Variants in USP24 observed in about 807,000 individuals in gnomAD.
USP24 encodes the protein ubiquitin specific peptidase 24, also known as ubiquitin carboxyl-terminal hydrolase 24.
USP24 carries 97 observed loss-of-function variants against 361.6 expected under a neutral mutation model. The observed-to-expected ratio is 0.27, with a 90% CI of 0.23 to 0.32. The LOEUF (loss-of-function observed/expected upper bound fraction) is 0.32. USP24 is among the 10% of genes least tolerant of loss of function. The pLI is 1.00. For synonymous variants in USP24, 1,098 were observed against 1,124.6 expected (o/e 0.98, Z 0.47); for missense variants, 2,353 against 3,165.6 (o/e 0.74, Z 6.16).
rs137862768 is a variant in USP24, at chr1:55,180,548, T to C, written c.325-2416A>G. Among the ~76,000 whole-genome samples, 93 of 152,300 alleles carry C rather than the reference T, an allele frequency of 6.1e-4. 1 individual carries two copies. The highest frequency in any genetic ancestry group is 2.1e-3 in the African/African-American group (86 of 41,572). On this transcript the variant is annotated intron_variant, in intron 1 of 67. Transcript: ENST00000294383. The stretch of plus-strand genomic sequence containing the variant: ...GGTTCTCAGTATCATGGAGCAGAGA[T>C]AAACTGCTGTCTGAATCCCATCCCC...
chr1:55,073,903 A>C lies in USP24; in HGVS notation c.7451T>G (p.Leu2484Trp). Residue 2484 changes from leucine (L) to tryptophan (W), a missense_variant, in exon 64 of 68, where the codon TTG (leucine) becomes TGG (tryptophan). Transcript: ENST00000294383. ...VFETENGLLALMHHSNHVDSS... is the reference protein window; with the variant it reads ...VFETENGLLAWMHHSNHVDSS... ...GTCCACATGATTACTGTGGTGCATC[A>C]AAGCTGAGGGAAGAGAAAAGGACAT... The C allele has an allele frequency of 1.3e-6, 2 of 1,571,374 alleles. No homozygotes were observed. Among genetic ancestry groups the C allele is most frequent in the Non-Finnish European group, 1.7e-6 (2 of 1,157,296 alleles).
At chr1:55,185,482 CT>C (rs1644103563) in intron 1 of USP24, among the ~76,000 whole-genome samples, 1 of 151,494 alleles carries the variant, frequency 6.6e-6, no homozygotes. Flanking sequence ...AGGGACAAAC[CT>C]TCAACTAGAC....
At chr1:55,171,177 T>C (rs943228078) in intron 5 of USP24, among the ~76,000 whole-genome samples, 3 of 152,152 alleles carry the variant, frequency 2.0e-5, no homozygotes, top group Non-Finnish European at 4.4e-5. Flanking sequence ...AAAGAAAATA[T>C]ATATGAGATT....
rs574290928 is a variant in USP24 at position 55,158,339 on chromosome 1, C to T, written c.1227+539G>A. On this transcript the variant is annotated intron_variant, in intron 10 of 67. Coordinates refer to ENST00000294383, the MANE Select transcript of USP24 (RefSeq NM_015306.3). The stretch of plus-strand genomic sequence containing the variant: ...GTTTCTTTCACTGGTAGTCAAGAAT[C>T]CTAACAATACAAAACCGAAGGAAAA... Among the ~76,000 whole-genome samples the T allele has an allele frequency of 2.0e-5, 3 of 152,310 alleles. No individual in the cohort carries two copies. In the South Asian group the frequency reaches 6.2e-4, roughly 32 times the overall value.
chr1:55,201,121 TG>T (rs1380882396), intron 1 of USP24, among the ~76,000 whole-genome samples: 1 of 152,098 alleles, frequency 6.6e-6, no homozygotes, highest in Non-Finnish European at 1.5e-5. Context: ...CAAGCTATGG[TG>T]TAGGGTATTT....
chr1:55,209,263 CTTTT>C (rs772141831), intron 1 of USP24, among the ~76,000 whole-genome samples: 25 of 151,322 alleles, frequency 1.7e-4, no homozygotes, highest in Non-Finnish European at 2.8e-4. Flanking sequence ...CCAACTTCTT[CTTTT>C]TTTTTCTTTT....
chr1:55,214,975 C>T lies in USP24; in HGVS notation c.139G>A (p.Gly47Ser). Residue 47 changes from glycine (G) to serine (S), a missense_variant, in exon 1 of 68, where the codon GGC (glycine) becomes AGC (serine). Gly to Ser is a moderately conservative substitution (Grantham distance 56). Coordinates refer to ENST00000294383, the MANE Select transcript of USP24 (RefSeq NM_015306.3). ...GGCTCGTAGCCGCCGTAGTCGAGGC[C>T]CGGCCGCTCGTTGGTGAGCAGTGCC... ...AVALLTNERPGLDYGGYEPMD... is the reference protein window; with the variant it reads ...AVALLTNERPSLDYGGYEPMD... 6.9e-7 allele frequency: 1 copy of T among 1,442,166 alleles called. No individual in the cohort carries two copies. Among genetic ancestry groups the T allele is most frequent in the Non-Finnish European group, 9.1e-7 (1 of 1,094,244 alleles). The allele number at this position is 1,442,166 out of a possible 1,614,324, so 89.3% of individuals were successfully genotyped here.
At chr1:55,138,760 G>GATAA (rs775791673) in intron 25 of USP24, 42 bp from the exon 26 acceptor site, 17 of 1,446,858 alleles carry the variant, frequency 1.2e-5, no homozygotes, top group Non-Finnish European at 1.5e-5. Flanking sequence ...CAGCACCACT[G>GATAA]ATAAACACAT....
intron 8 of USP24, among the ~76,000 whole-genome samples, chr1:55,161,831 A>G (rs1648316324): frequency 6.6e-6 from 1 of 152,224 alleles, no homozygotes. Context: ...AAGTGAGCCT[A>G]GCCGATTTAA....
At chr1:55,203,132 CTGTG>C (rs1644619928) in intron 1 of USP24, among the ~76,000 whole-genome samples, 1 of 152,172 alleles carries the variant, frequency 6.6e-6, no homozygotes, top group Admixed American at 6.5e-5. Context: ...TCAGTACTAT[CTGTG>C]GTTTTCCGCA....
At chr1:55,209,758 T>C (rs890397624) in intron 1 of USP24, among the ~76,000 whole-genome samples, 6 of 152,138 alleles carry the variant, frequency 3.9e-5, no homozygotes, top group African/African-American at 1.4e-4. Context: ...TCTTATGTGT[T>C]TACTTCTTAT....
intron 1 of USP24, among the ~76,000 whole-genome samples, chr1:55,188,034 T>A (rs1644180835): frequency 6.6e-6 from 1 of 152,218 alleles, no homozygotes; most frequent in Admixed American, 6.5e-5. Flanking sequence ...GACAATCTGG[T>A]ACTGGCATAA....
intron 10 of USP24, 40 bp from the exon 11 acceptor site, chr1:55,157,410 T>G: frequency 1.8e-6 from 2 of 1,117,958 alleles, no homozygotes; most frequent in Non-Finnish European, 2.5e-6. Flanking sequence ...CTAATATACA[T>G]TATCAAATAT....
rs1165658382 is a variant in USP24, at chr1:55,115,495, C to CAA, written c.4508+5099_4508+5100dup. Among the ~76,000 whole-genome samples, 126 of 45,778 alleles carry CAA rather than the reference C, an allele frequency of 2.8e-3. 4 individuals carry two copies. The highest frequency in any genetic ancestry group is 7.8e-3 in the African/African-American group (114 of 14,580). The allele number at this position is 45,778 out of a possible 152,430, so 30.0% of individuals were successfully genotyped here. On this transcript the variant is annotated intron_variant, in intron 38 of 67. Transcript: ENST00000294383. ...TGGGCGACAGAGCGAGACTCCGCCT[C>CAA]AAAAAAAAAAAAAAAAAAAAAGGAA...
chr1:55,144,092 T>C (rs1364320071), intron 21 of USP24, 35 bp downstream of exon 21: 4 of 1,517,182 alleles, frequency 2.6e-6, no homozygotes, highest in Non-Finnish European at 3.6e-6. Context: ...TACTAGATTA[T>C]CCAAACTATC....
chr1:55,138,877 C>A, intron 25 of USP24, 67 bp downstream of exon 25: 1 of 1,524,958 alleles, frequency 6.6e-7, no homozygotes, highest in Non-Finnish European at 9.0e-7. Context: ...GCTAGAAAGG[C>A]TGAGGTGGGA....
Position 55,138,976 on chromosome 1 carries a change from G to A in USP24, c.2785C>T (p.Leu929Phe). The A allele has an allele frequency of 6.2e-7, 1 of 1,612,490 alleles. No individual in the cohort carries two copies. Reference protein sequence around the residue: ...TKLVIIERLLLLAERYVITIE... With the variant: ...TKLVIIERLLFLAERYVITIE... The stretch of plus-strand genomic sequence containing the variant: ...GTGATCACATAGCGCTCTGCCAGAA[G>A]CAGCAATCTCTCAATTATTACAAGT... Residue 929 changes from leucine to phenylalanine, a missense_variant, in exon 25 of 68, where the codon CTT (leucine) becomes TTT (phenylalanine). Coordinates refer to ENST00000294383, the MANE Select transcript of USP24 (RefSeq NM_015306.3).
chr1:55,072,228 C>G (rs1025786095), intron 66 of USP24, 89 bp downstream of exon 66: 7 of 1,061,106 alleles, frequency 6.6e-6, no homozygotes, highest in Non-Finnish European at 9.8e-6. Flanking sequence ...ACTCATACCT[C>G]TCTTCTCAGA....
intron 38 of USP24, among the ~76,000 whole-genome samples, chr1:55,117,892 A>G (rs954277870): frequency 2.6e-5 from 4 of 152,172 alleles, no homozygotes; most frequent in African/African-American, 9.6e-5. Context: ...TCCACTTACA[A>G]TAGCATCAAA....
Sources: allele counts gnomAD v4.1 joint callset (sites outside exome capture counted in the v4.1 genomes callset), GRCh38; gene constraint gnomAD v4.1.1; transcripts MANE v1.5; gene names NCBI Gene and HGNC (gene_info 2026-07-23, HGNC 2026-07-21).